SLC35D4: variants seen among roughly 807,000 people sequenced by gnomAD.
SLC35D4 encodes UDP-N-acetylglucosamine transporter SLC35D4.
the SLC35D4 span, among the ~76,000 whole-genome samples, chr18:23,306,204 C>T: frequency 3.3e-5 from 5 of 151,436 alleles, no homozygotes; most frequent in African/African-American, 9.7e-5. Context: ...CTCAGCAGGT[C>T]CAACTTGCAA....
chr18:23,361,331 A>G, the SLC35D4 span, among the ~76,000 whole-genome samples: 1 of 152,048 alleles, frequency 6.6e-6, no homozygotes, highest in Non-Finnish European at 1.5e-5. Flanking sequence ...CGTTCTAGAT[A>G]GCAAGTGTAA....
chr18:23,273,799 A>G, the SLC35D4 span, among the ~76,000 whole-genome samples: 1 of 152,162 alleles, frequency 6.6e-6, no homozygotes, highest in Non-Finnish European at 1.5e-5. Flanking sequence ...TGATGGTCAT[A>G]AGGATAACAG....
At chr18:23,376,854 ACCG>A in the SLC35D4 span, 2 of 456,688 alleles carry the variant, frequency 4.4e-6, no homozygotes, top group East Asian at 1.4e-4. Context: ...CATGAGCTTT[ACCG>A]CCTCTCTTTG....
the SLC35D4 span, among the ~76,000 whole-genome samples, chr18:23,344,694 T>C: frequency 6.6e-6 from 1 of 151,120 alleles, no homozygotes; most frequent in African/African-American, 2.4e-5. Context: ...CTCTGCCTCC[T>C]GGGTTCATGC....
At chr18:23,283,315 C>T in the SLC35D4 span, among the ~76,000 whole-genome samples, 55 of 150,258 alleles carry the variant, frequency 3.7e-4, no homozygotes, top group Middle Eastern at 3.4e-3. Flanking sequence ...CCTATCCCTA[C>T]AAAAAAAATA....
chr18:23,394,382 T>C, the SLC35D4 span, among the ~76,000 whole-genome samples: 2 of 152,236 alleles, frequency 1.3e-5, no homozygotes, highest in African/African-American at 4.8e-5. Context: ...TCAAGTCCTT[T>C]GCCCATTTTT....
At chr18:23,276,195 C>G in the SLC35D4 span, among the ~76,000 whole-genome samples, 8 of 151,920 alleles carry the variant, frequency 5.3e-5, no homozygotes, top group Admixed American at 5.2e-4. Flanking sequence ...TCACGCCATT[C>G]TCCTGCCTCA....
the SLC35D4 span, among the ~76,000 whole-genome samples, chr18:23,383,230 CA>C: frequency 1.3e-5 from 2 of 151,908 alleles, no homozygotes; most frequent in African/African-American, 4.8e-5. Context: ...GTGGCTGGCA[CA>C]ATGGGTGTGG....
the SLC35D4 span, among the ~76,000 whole-genome samples, chr18:23,250,729 A>G: frequency 1.3e-5 from 2 of 152,204 alleles, no homozygotes; most frequent in Non-Finnish European, 2.9e-5. Flanking sequence ...GGACCAGGTC[A>G]GGAGACCTTC....
chr18:23,354,234 G>A, the SLC35D4 span, among the ~76,000 whole-genome samples: 1 of 150,828 alleles, frequency 6.6e-6, no homozygotes. Flanking sequence ...AGGTGCGGTG[G>A]CTCAAGCCTG....
the SLC35D4 span, among the ~76,000 whole-genome samples, chr18:23,334,800 C>T: frequency 1.3e-5 from 2 of 151,894 alleles, no homozygotes; most frequent in East Asian, 3.9e-4. Flanking sequence ...CGGACGGGTT[C>T]GAGACCAGCC....
the SLC35D4 span, chr18:23,385,098 A>G: frequency 1.9e-6 from 3 of 1,592,984 alleles, no homozygotes; most frequent in Non-Finnish European, 2.6e-6. Flanking sequence ...AAACATGAAA[A>G]TATTTTCTTC....
chr18:23,307,681 T>C, the SLC35D4 span, among the ~76,000 whole-genome samples: 2 of 152,210 alleles, frequency 1.3e-5, no homozygotes, highest in Non-Finnish European at 2.9e-5. Flanking sequence ...AGTAGTACTT[T>C]CTCTGTGCAT....
the SLC35D4 span, among the ~76,000 whole-genome samples, chr18:23,415,235 T>C: frequency 6.6e-6 from 1 of 152,212 alleles, no homozygotes; most frequent in African/African-American, 2.4e-5. Context: ...AGATACTTGT[T>C]ACGGTTCTCC....
At chr18:23,342,159 G>A in the SLC35D4 span, among the ~76,000 whole-genome samples, 1 of 152,140 alleles carries the variant, frequency 6.6e-6, no homozygotes, top group Non-Finnish European at 1.5e-5. Context: ...AAATGATGAT[G>A]CAACCATCAC....
At chr18:23,337,116 G>A in the SLC35D4 span, among the ~76,000 whole-genome samples, 1 of 150,882 alleles carries the variant, frequency 6.6e-6, no homozygotes, top group South Asian at 2.1e-4. Context: ...CAAGGTATGA[G>A]TCAATGTTAA....
the SLC35D4 span, among the ~76,000 whole-genome samples, chr18:23,389,645 T>A: frequency 6.6e-6 from 1 of 152,024 alleles, no homozygotes; most frequent in East Asian, 1.9e-4. Context: ...TTCAAGCAAC[T>A]CTCCTGCCCC....
the SLC35D4 span, among the ~76,000 whole-genome samples, chr18:23,362,916 G>T: frequency 2.0e-5 from 3 of 152,148 alleles, no homozygotes; most frequent in Non-Finnish European, 4.4e-5. Flanking sequence ...CAACCTCTTA[G>T]CTGAAGGGCA....
chr18:23,257,298 G>A, the SLC35D4 span: 3 of 1,613,974 alleles, frequency 1.9e-6, no homozygotes, highest in Non-Finnish European at 2.5e-6. Flanking sequence ...TAGTGGCCTT[G>A]GAATTCGCCC....
Sources: gnomAD v4.1 joint callset for allele counts (sites outside exome capture counted in the v4.1 genomes callset) on GRCh38, gnomAD v4.1.1 for gene constraint, MANE v1.5 for transcripts, NCBI Gene and HGNC (gene_info 2026-07-23, HGNC 2026-07-21) for gene names.